The following ABCC4 variants were observed in gnomAD, a reference collection of about 807,000 sequenced individuals.
ABCC4 encodes ATP-binding cassette sub-family C member 4.
In ABCC4, 102 loss-of-function variants were observed where a neutral mutation model predicts 168.5. That is an observed-to-expected ratio of 0.61 (90% CI 0.52 to 0.71). The LOEUF (loss-of-function observed/expected upper bound fraction) is 0.71, where lower values mean the gene tolerates loss of function less well. Among genes scored for constraint, ABCC4 ranks in the 30% least tolerant of loss-of-function variants. ABCC4 has a pLI of 0.00. For synonymous variants in ABCC4, 617 were observed against 590.7 expected (o/e 1.04, Z -0.65); for missense variants, 1,402 against 1,605.8 (o/e 0.87, Z 2.17).
At chr13:95,289,740 G>A (rs955276857) in intron 1 of ABCC4, among the ~76,000 whole-genome samples, 6 of 152,164 alleles carry the variant, frequency 3.9e-5, no homozygotes, top group Non-Finnish European at 8.8e-5. Flanking sequence ...TTTTGACTTT[G>A]GCAAGCAGTT....
intron 29 of ABCC4, among the ~76,000 whole-genome samples, chr13:95,042,340 C>T (rs1358392990): frequency 6.6e-6 from 1 of 152,204 alleles, no homozygotes; most frequent in Non-Finnish European, 1.5e-5. Flanking sequence ...ATCCATTGCA[C>T]CATCTTCACT....
At chr13:95,272,218 G>A (rs1473899372) in intron 1 of ABCC4, among the ~76,000 whole-genome samples, 1 of 152,142 alleles carries the variant, frequency 6.6e-6, no homozygotes, top group East Asian at 1.9e-4. Context: ...CTAATTTTTT[G>A]TATTTTTACT....
intron 1 of ABCC4, among the ~76,000 whole-genome samples, chr13:95,271,426 C>T (rs527400481): frequency 6.6e-6 from 1 of 152,224 alleles, no homozygotes; most frequent in East Asian, 1.9e-4. Flanking sequence ...GCCTTTGGTT[C>T]GCAGAGGTCC....
chr13:95,193,457 G>A (rs2038321948), intron 9 of ABCC4, among the ~76,000 whole-genome samples: 1 of 152,174 alleles, frequency 6.6e-6, no homozygotes, highest in African/African-American at 2.4e-5. Flanking sequence ...GCCCCGGGGT[G>A]CAGCTTCCTG....
Position 95,034,695 on chromosome 13 carries a change from A to G in ABCC4, c.3780T>C (p.Val1260=), listed in dbSNP as rs755198749. 4 of 1,614,126 alleles carry G rather than the reference A, an allele frequency of 2.5e-6. No homozygotes were observed. In the South Asian group the frequency reaches 4.4e-5, roughly 18 times the overall value. Residue 1260 remains valine (V), a synonymous_variant, in exon 30 of 31, where the codon GTT becomes GTC. Coordinates refer to ENST00000645237, the MANE Select transcript of ABCC4 (RefSeq NM_005845.5). ...ATAGGCTCTCTTTATTTTGCAGCAAAACATACGGCTCATCATATTCTTTCA... is the reference window on the plus strand; with the variant it reads ...ATAGGCTCTCTTTATTTTGCAGCAAGACATACGGCTCATCATATTCTTTCA... ...GRLKEYDEPY[V]LLQNKESLFY... is the part of the protein sequence containing the mutation.
At chr13:95,111,695 A>G (rs2035211162) in intron 20 of ABCC4, among the ~76,000 whole-genome samples, 1 of 152,234 alleles carries the variant, frequency 6.6e-6, no homozygotes, top group Non-Finnish European at 1.5e-5. Flanking sequence ...AAAACAAATG[A>G]AAACTCACAA....
intron 2 of ABCC4, 139 bp downstream of exon 2, chr13:95,247,504 G>T: frequency 1.5e-6 from 1 of 658,162 alleles, no homozygotes; most frequent in East Asian, 2.8e-5. Flanking sequence ...GCTGAGCCTA[G>T]GGGCAGCCTG....
intron 25 of ABCC4, among the ~76,000 whole-genome samples, chr13:95,065,526 T>C (rs1441593855): frequency 6.6e-6 from 1 of 152,238 alleles, no homozygotes; most frequent in South Asian, 2.1e-4. Context: ...AGTAGCTACA[T>C]AATATTACAG....
At chr13:95,283,238 A>G (rs2041172161) in intron 1 of ABCC4, among the ~76,000 whole-genome samples, 1 of 151,930 alleles carries the variant, frequency 6.6e-6, no homozygotes, top group Admixed American at 6.6e-5. Context: ...AAAAGTTTAA[A>G]AACTGGTCCT....
chr13:95,283,083 G>A lies in ABCC4; in HGVS notation c.74+18158C>T, dbSNP rs545916872. ...TACAAAAAATTAGCCTGGCGCGGTG[G>A]CACGCACCTGTAGTCCCAGCTACTT... On this transcript the variant is annotated intron_variant, in intron 1 of 30. Transcript: ENST00000645237. Among the ~76,000 whole-genome samples, 16 of 151,688 alleles carry A rather than the reference G, an allele frequency of 1.1e-4. No homozygotes were observed. The East Asian group carries it at 3.3e-3, about 31-fold the overall frequency.
intron 29 of ABCC4, among the ~76,000 whole-genome samples, chr13:95,042,475 AAGAG>A (rs536413319): frequency 6.6e-6 from 1 of 152,204 alleles, no homozygotes; most frequent in African/African-American, 2.4e-5. Flanking sequence ...CTGCAAAGGA[AAGAG>A]AGAGAACAGA....
At chr13:95,119,563 A>T (rs2035493499) in intron 19 of ABCC4, among the ~76,000 whole-genome samples, 1 of 152,196 alleles carries the variant, frequency 6.6e-6, no homozygotes. Flanking sequence ...GTCAAAATAC[A>T]AATTCATAAA....
chr13:95,081,428 C>A (rs1161746898), intron 21 of ABCC4, among the ~76,000 whole-genome samples: 2 of 152,190 alleles, frequency 1.3e-5, no homozygotes, highest in Non-Finnish European at 2.9e-5. Flanking sequence ...CATAAAATGC[C>A]TGCACAGCCT....
chr13:95,204,046 G>A (rs750563287), intron 8 of ABCC4, among the ~76,000 whole-genome samples: 8 of 152,112 alleles, frequency 5.3e-5, no homozygotes, highest in Non-Finnish European at 1.0e-4. Flanking sequence ...AGGAACAAAA[G>A]TACCACCAGG....
chr13:95,110,572 T>C (rs979456371), intron 20 of ABCC4, among the ~76,000 whole-genome samples: 12 of 152,178 alleles, frequency 7.9e-5, no homozygotes, highest in African/African-American at 2.9e-4. Flanking sequence ...ATATTATTAA[T>C]ACAAATATTA....
intron 19 of ABCC4, among the ~76,000 whole-genome samples, chr13:95,138,990 C>G (rs1303918191): frequency 6.6e-6 from 1 of 152,216 alleles, no homozygotes; most frequent in East Asian, 1.9e-4. Context: ...CGCCCCACCT[C>G]AAATCTGGTT....
chr13:95,289,414 T>A (rs1028674471), intron 1 of ABCC4, among the ~76,000 whole-genome samples: 2 of 152,156 alleles, frequency 1.3e-5, no homozygotes, highest in East Asian at 3.9e-4. Context: ...CCCAACTCCA[T>A]CATGTCCTGC....
intron 26 of ABCC4, among the ~76,000 whole-genome samples, chr13:95,057,033 C>T (rs2033085348): frequency 6.6e-6 from 1 of 152,134 alleles, no homozygotes; most frequent in African/African-American, 2.4e-5. Flanking sequence ...TTTTCCAGAT[C>T]CTTCAGTTAA....
Position 95,021,478 on chromosome 13 carries a change from T to G in ABCC4, c.*97A>C. 5 of 761,024 alleles carry G rather than the reference T, an allele frequency of 6.6e-6. No individual in the cohort carries two copies. The highest frequency in any genetic ancestry group is 1.1e-5 in the Non-Finnish European group (5 of 455,160). 47.1% of individuals were successfully genotyped at this position (761,024 alleles called of 1,614,324 possible). A position where few individuals can be genotyped will look rare whatever the true frequency, so the allele number is the denominator to read the frequency against. ...TGAACTAGCATCTTGTATGTATAAA[T>G]ATTTGTTGCCAAAGTAAAAAAAAGT... On this transcript the variant is annotated 3_prime_UTR_variant, in exon 31 of 31. Transcript: ENST00000645237.
Sources: allele counts gnomAD v4.1 joint callset (sites outside exome capture counted in the v4.1 genomes callset), GRCh38; gene constraint gnomAD v4.1.1; transcripts MANE v1.5; gene names NCBI Gene and HGNC (gene_info 2026-07-23, HGNC 2026-07-21).